RTN1: variants seen among roughly 807,000 people sequenced by gnomAD.
RTN1 encodes reticulon 1.
Under a neutral mutation model 65.5 loss-of-function variants are expected in RTN1, and 25 were observed. The observed-to-expected ratio is 0.38, with a 90% CI of 0.28 to 0.53. The LOEUF is 0.53. Ranked by LOEUF, RTN1 falls within the 20% of genes least tolerant of loss-of-function variation. The pLI is 0.79. For synonymous variants in RTN1, 471 were observed against 447.6 expected (o/e 1.05, Z -0.66); for missense variants, 983 against 1,025.4 (o/e 0.96, Z 0.57).
intron 1 of RTN1, among the ~76,000 whole-genome samples, chr14:59,772,486 T>C (rs1885976598): frequency 6.6e-6 from 1 of 151,972 alleles, no homozygotes; most frequent in Non-Finnish European, 1.5e-5. Flanking sequence ...TTTACATCTT[T>C]CCGGATTAAG....
chr14:59,742,870 G>A lies in RTN1; in HGVS notation c.1015+2838C>T, dbSNP rs796484294. Reference sequence around the variant, plus strand: ...GGCACAGTGTCACATGGTGCCAGGGGTCATAAGAAGATGGGAAGGGGGTCA... The same window carrying A: ...GGCACAGTGTCACATGGTGCCAGGGATCATAAGAAGATGGGAAGGGGGTCA... On this transcript the variant is annotated intron_variant, in intron 2 of 8. Coordinates refer to ENST00000267484, the MANE Select transcript of RTN1 (RefSeq NM_021136.3). Among the ~76,000 whole-genome samples the A allele has an allele frequency of 1.1e-4, 17 of 152,310 alleles. 1 individual carries two copies. The highest frequency in any genetic ancestry group is 3.8e-4 in the African/African-American group (16 of 41,566).
intron 1 of RTN1, among the ~76,000 whole-genome samples, chr14:59,864,208 C>T (rs34362495): frequency 0.21 from 32,639 of 152,094 alleles, 3,920 homozygotes; most frequent in East Asian, 0.5. Context: ...CCACTCCTCT[C>T]TACCGCTGAC....
chr14:59,863,042 C>T (rs747055615), intron 1 of RTN1, among the ~76,000 whole-genome samples: 3 of 152,148 alleles, frequency 2.0e-5, no homozygotes, highest in Non-Finnish European at 4.4e-5. Flanking sequence ...ACTGTCCTCA[C>T]CTTTATCCAA....
chr14:59,731,141 T>C (rs1884886943), intron 2 of RTN1, among the ~76,000 whole-genome samples: 1 of 152,212 alleles, frequency 6.6e-6, no homozygotes, highest in Admixed American at 6.5e-5. Flanking sequence ...AATAAAAATG[T>C]AATATATCCA....
At chr14:59,742,011 G>T (rs1426964630) in intron 2 of RTN1, among the ~76,000 whole-genome samples, 1 of 152,284 alleles carries the variant, frequency 6.6e-6, no homozygotes, top group East Asian at 1.9e-4. Flanking sequence ...TAGCAGGTAA[G>T]CTGTGCAAGG....
rs1312398011 is a variant in RTN1, at chr14:59,774,881, C to T, written c.242-28400G>A. On this transcript the variant is annotated intron_variant, in intron 1 of 8. Coordinates refer to ENST00000267484, the MANE Select transcript of RTN1 (RefSeq NM_021136.3). The surrounding 1 kb of genome is among the most constrained non-coding windows in gnomAD (Gnocchi z 5.1). ...GTCTTTTTCTCATTAAGTGAAGAGG[C>T]AAAAACATCCAAGTAACCACTTCTA... Among the ~76,000 whole-genome samples, 2 of 152,128 alleles carry T rather than the reference C, an allele frequency of 1.3e-5. No individual in the cohort carries two copies. Among genetic ancestry groups the T allele is most frequent in the African/African-American group, 4.8e-5 (2 of 41,442 alleles).
At chr14:59,800,894 G>A (rs1886533308) in intron 1 of RTN1, among the ~76,000 whole-genome samples, 3 of 151,680 alleles carry the variant, frequency 2.0e-5, no homozygotes, top group African/African-American at 7.3e-5. Context: ...TTCACCAGAG[G>A]AGTAAAAAAT....
intron 3 of RTN1, among the ~76,000 whole-genome samples, chr14:59,627,793 TC>T (rs138332151): frequency 0.019 from 2,839 of 152,282 alleles, 96 homozygotes; most frequent in African/African-American, 0.063. Context: ...AGTGGAGTCT[TC>T]ATGAAATATT....
rs550973045 is a variant in RTN1, at chr14:59,657,365, C to T, written c.1766-49873G>A. Among the ~76,000 whole-genome samples, 21 of 152,288 alleles carry T rather than the reference C, an allele frequency of 1.4e-4. No homozygotes were observed. The East Asian group carries it at 2.7e-3, about 20-fold the overall frequency. On this transcript the variant is annotated intron_variant, in intron 3 of 8. Coordinates refer to ENST00000267484, the MANE Select transcript of RTN1 (RefSeq NM_021136.3). ...CTGAGGTTGCAGTGAGCCGAGACTG[C>T]GCTACTGCACTGCAGCCTGGGTGAA...
At chr14:59,679,947 G>A (rs183439028) in intron 3 of RTN1, among the ~76,000 whole-genome samples, 15 of 152,222 alleles carry the variant, frequency 9.9e-5, no homozygotes, top group Admixed American at 5.9e-4. Flanking sequence ...TAAAAACCAG[G>A]TCAGACTTAT....
At chr14:59,820,812 G>A (rs902863913) in intron 1 of RTN1, among the ~76,000 whole-genome samples, 4 of 152,110 alleles carry the variant, frequency 2.6e-5, no homozygotes, top group South Asian at 2.1e-4. Context: ...GTCAAAGATC[G>A]GATGGTTGTA....
intron 1 of RTN1, among the ~76,000 whole-genome samples, chr14:59,767,039 CA>C (rs976779936): frequency 1.6e-4 from 25 of 151,972 alleles, no homozygotes; most frequent in African/African-American, 5.8e-4. Context: ...ACAACAACAA[CA>C]AAAAAACATA....
At chr14:59,820,143 G>A (rs1481473249) in intron 1 of RTN1, among the ~76,000 whole-genome samples, 1 of 152,190 alleles carries the variant, frequency 6.6e-6, no homozygotes, top group Non-Finnish European at 1.5e-5. Flanking sequence ...TCTCTGATGA[G>A]TGGTAATGTT....
rs926001186 is a variant in RTN1, at chr14:59,846,989, A to G, written c.241+23401T>C. ...AGGAAAAACAAAATTCCTAATTGAA[A>G]AAGTCAAAAAGGGAGAAATAACAGT... On this transcript the variant is annotated intron_variant, in intron 1 of 8. Coordinates refer to ENST00000267484, the MANE Select transcript of RTN1 (RefSeq NM_021136.3). The surrounding 1 kb of genome is among the most constrained non-coding windows in gnomAD (Gnocchi z 4.8). Among the ~76,000 whole-genome samples, 7 of 152,220 alleles carry G rather than the reference A, an allele frequency of 4.6e-5. No individual in the cohort carries two copies. The highest frequency in any genetic ancestry group is 1.0e-4 in the Non-Finnish European group (7 of 68,028).
At chr14:59,792,458 G>A (rs1354341562) in intron 1 of RTN1, among the ~76,000 whole-genome samples, 1 of 151,788 alleles carries the variant, frequency 6.6e-6, no homozygotes, top group Non-Finnish European at 1.5e-5. Context: ...ATAAGTAAAT[G>A]GGAAAGCCAA....
At chr14:59,805,542 T>C (rs925842695) in intron 1 of RTN1, among the ~76,000 whole-genome samples, 3 of 152,118 alleles carry the variant, frequency 2.0e-5, no homozygotes, top group Non-Finnish European at 2.9e-5. Context: ...AATTAAACAT[T>C]AGGAGCATGT....
chr14:59,725,503 A>T (rs180768578), intron 3 of RTN1, among the ~76,000 whole-genome samples: 1 of 152,308 alleles, frequency 6.6e-6, no homozygotes, highest in Admixed American at 6.5e-5. Flanking sequence ...CTATGTCAGG[A>T]TAGTAGCAAA....
chr14:59,842,139 A>T (rs1033475281), intron 1 of RTN1, among the ~76,000 whole-genome samples: 1 of 151,220 alleles, frequency 6.6e-6, no homozygotes, highest in Non-Finnish European at 1.5e-5. Flanking sequence ...AAAAAATTTT[A>T]AAAAAGAAAA....
At chr14:59,733,431 G>A (rs898801504) in intron 2 of RTN1, among the ~76,000 whole-genome samples, 14 of 151,864 alleles carry the variant, frequency 9.2e-5, no homozygotes, top group African/African-American at 3.1e-4. Context: ...CCATTCTTCC[G>A]CACTAGGCGA....
Sources: gnomAD v4.1 joint callset for allele counts (sites outside exome capture counted in the v4.1 genomes callset) on GRCh38, gnomAD v4.1.1 for gene constraint, Gnocchi (gnomAD v3.1) non-coding constraint, MANE v1.5 for transcripts, NCBI Gene and HGNC (gene_info 2026-07-23, HGNC 2026-07-21) for gene names.